Variants in PTPRE observed in about 807,000 individuals in gnomAD.
The protein encoded by PTPRE is receptor-type tyrosine-protein phosphatase epsilon.
PTPRE carries 51 observed loss-of-function variants against 102.0 expected under a neutral mutation model. That is an observed-to-expected ratio of 0.50 (90% confidence interval 0.40 to 0.63). PTPRE has a LOEUF of 0.63. Ranked by LOEUF, PTPRE falls within the 30% of genes least tolerant of loss-of-function variation. The probability of loss-of-function intolerance (pLI) is 0.00; values close to 1 mark genes in which losing one functional copy is unlikely to be tolerated. For missense variants in PTPRE, 752 were observed against 915.1 expected (o/e 0.82, Z 2.30); for synonymous variants, 345 against 348.2 (o/e 0.99, Z 0.10).
chr10:128,045,974 G>T (rs1454398335), intron 3 of PTPRE, among the ~76,000 whole-genome samples: 1 of 152,182 alleles, frequency 6.6e-6, no homozygotes, highest in Admixed American at 6.5e-5. Flanking sequence ...GCACTTAGTG[G>T]GTGGGCCAGG....
At chr10:127,943,659 C>T (rs896057694) in intron 1 of PTPRE, among the ~76,000 whole-genome samples, 13 of 152,230 alleles carry the variant, frequency 8.5e-5, no homozygotes, top group Non-Finnish European at 1.0e-4. Flanking sequence ...TGAGGTGACT[C>T]TGATTTCATT....
chr10:128,040,677 T>C (rs1847611429), intron 2 of PTPRE, among the ~76,000 whole-genome samples, 198 bp from the exon 3 acceptor site: 1 of 152,184 alleles, frequency 6.6e-6, no homozygotes, highest in South Asian at 2.1e-4. Context: ...TTTGAGTGAA[T>C]GTCCACAGTC....
intron 1 of PTPRE, among the ~76,000 whole-genome samples, chr10:127,918,153 C>T (rs1846336046): frequency 6.6e-6 from 1 of 152,174 alleles, no homozygotes; most frequent in African/African-American, 2.4e-5. Context: ...AGGTGACCCT[C>T]AGCCTCTGAT....
chr10:128,077,118 C>T (rs1539598), intron 18 of PTPRE, among the ~76,000 whole-genome samples: 52,672 of 151,912 alleles, frequency 0.35, 9,175 homozygotes, highest in Middle Eastern at 0.42. Context: ...AATGAGAACT[C>T]GGGGTCAGCT....
At chr10:128,074,084 C>G (rs576868110) in intron 17 of PTPRE, among the ~76,000 whole-genome samples, 2 of 152,310 alleles carry the variant, frequency 1.3e-5, no homozygotes, top group African/African-American at 4.8e-5. Context: ...AGTCACTCCC[C>G]ATTCCTTCCT....
chr10:127,911,445 A>C (rs1399660627), intron 1 of PTPRE, among the ~76,000 whole-genome samples: 1 of 152,182 alleles, frequency 6.6e-6, no homozygotes, highest in African/African-American at 2.4e-5. Context: ...CACCCCTGAG[A>C]AGCAGTGTGG....
chr10:128,020,888 GTCTTTTTTTTT>G (rs1845819336), intron 2 of PTPRE, among the ~76,000 whole-genome samples: 2 of 151,482 alleles, frequency 1.3e-5, no homozygotes, highest in Non-Finnish European at 2.9e-5. Context: ...TGGGTACAGT[GTCTTTTTTTTT>G]TCTTTTTTTT....
intron 2 of PTPRE, among the ~76,000 whole-genome samples, chr10:127,992,635 G>A (rs1019705697): frequency 2.0e-5 from 3 of 152,164 alleles, no homozygotes; most frequent in African/African-American, 7.2e-5. Context: ...CCAGACCGCA[G>A]GCCTGGAGCC....
chr10:127,948,286 G>T (rs574534721), intron 1 of PTPRE, among the ~76,000 whole-genome samples: 357 of 152,124 alleles, frequency 2.3e-3, no homozygotes, highest in Non-Finnish European at 4.0e-3. Flanking sequence ...AAATTGAGTG[G>T]AAGGTAGAGA....
chr10:127,968,978 C>T (rs1850479199), intron 1 of PTPRE, among the ~76,000 whole-genome samples: 2 of 152,234 alleles, frequency 1.3e-5, no homozygotes, highest in African/African-American at 4.8e-5. Flanking sequence ...AAACACTTTC[C>T]TGGTGTTACA....
Position 128,070,753 on chromosome 10 carries a change from T to C in PTPRE, c.1294-55T>C. On this transcript the variant is annotated intron_variant, in intron 14 of 20. Transcript: ENST00000254667. The surrounding 1 kb of genome is among the most constrained non-coding windows in gnomAD (Gnocchi z 4.8). ...GCAGCACTAGTCCTCGGCTGAGCAA[T>C]GTGCTCAGGAGTGTCAGAGGTTTAA... 3.9e-6 allele frequency: 6 copies of C among 1,542,604 alleles called. No homozygotes were observed. The highest frequency in any genetic ancestry group is 5.4e-6 in the Non-Finnish European group (6 of 1,118,466).
chr10:127,922,978 C>G (rs915457144), intron 1 of PTPRE, among the ~76,000 whole-genome samples: 1 of 152,224 alleles, frequency 6.6e-6, no homozygotes, highest in Non-Finnish European at 1.5e-5. Flanking sequence ...GGTGGAGGGA[C>G]TGCTCTGACC....
chr10:127,999,366 A>C (rs1589957715), intron 2 of PTPRE: 1 of 189,980 alleles, frequency 5.3e-6, no homozygotes, highest in African/African-American at 2.4e-5. Context: ...CGGAAAGTGT[A>C]TCATCAGCAA....
chr10:128,031,516 G>C (rs61875266), intron 2 of PTPRE, among the ~76,000 whole-genome samples: 49,217 of 152,218 alleles, frequency 0.32, 8,265 homozygotes, highest in Non-Finnish European at 0.38. Flanking sequence ...TGTTTTCCTG[G>C]CCAGGGTGTT....
At chr10:128,065,907 G>A (rs1850043361) in intron 10 of PTPRE, among the ~76,000 whole-genome samples, 168 bp from the exon 11 acceptor site, 1 of 152,182 alleles carries the variant, frequency 6.6e-6, no homozygotes, top group South Asian at 2.1e-4. Flanking sequence ...CAGTTACGCA[G>A]CCTCAGTTTC....
chr10:127,973,628 CT>C (rs1156639771), intron 1 of PTPRE, among the ~76,000 whole-genome samples: 2 of 152,080 alleles, frequency 1.3e-5, no homozygotes, highest in Admixed American at 1.3e-4. Context: ...ACAAACGTCT[CT>C]GCTCTGAGTA....
At chr10:128,003,188 G>C (rs1334840335) in intron 2 of PTPRE, among the ~76,000 whole-genome samples, 2 of 152,206 alleles carry the variant, frequency 1.3e-5, no homozygotes, top group Non-Finnish European at 2.9e-5. Flanking sequence ...CATTGGTGAT[G>C]AGAGACATAG....
chr10:128,039,791 G>A (rs908131693), intron 2 of PTPRE, among the ~76,000 whole-genome samples: 1 of 150,056 alleles, frequency 6.7e-6, no homozygotes, highest in African/African-American at 2.4e-5. Flanking sequence ...GGTGGGGAGT[G>A]GGGGGGCCAC....
rs1399591274 is a variant in PTPRE, at chr10:128,004,246, G to C, written c.-8+21950G>C. 2.0e-5 allele frequency among the ~76,000 whole-genome samples: 3 copies of C among 151,214 alleles called. No individual in the cohort carries two copies. In the Admixed American group the frequency reaches 2.0e-4, roughly 10 times the overall value. On this transcript the variant is annotated intron_variant, in intron 2 of 20. Transcript: ENST00000254667. ...AGGAGGGTGCCCTTCATCCCAAAGC[G>C]CAGTACATGTTGGTCCTGGGGTGAT...
Sources: allele counts gnomAD v4.1 joint callset (sites outside exome capture counted in the v4.1 genomes callset), GRCh38; gene constraint gnomAD v4.1.1; non-coding constraint Gnocchi (gnomAD v3.1); transcripts MANE v1.5; gene names NCBI Gene and HGNC (gene_info 2026-07-23, HGNC 2026-07-21).